The following NWD2 variants were observed in gnomAD, a reference collection of about 807,000 sequenced individuals.
NWD2 encodes the protein NACHT and WD repeat domain-containing protein 2.
NWD2 carries 37 observed loss-of-function variants against 132.7 expected under a neutral mutation model. The observed-to-expected ratio is 0.28, with a 90% CI of 0.21 to 0.37. NWD2 has a LOEUF of 0.37. NWD2 is among the 10% of genes least tolerant of loss of function. The pLI is 1.00. For synonymous variants in NWD2, 705 were observed against 803.0 expected (o/e 0.88, Z 2.06); for missense variants, 1,592 against 2,122.4 (o/e 0.75, Z 4.91).
chr4:37,342,697 T>G (rs1007232772), intron 2 of NWD2, among the ~76,000 whole-genome samples: 8 of 152,200 alleles, frequency 5.3e-5, no homozygotes, highest in Middle Eastern at 3.2e-3. Flanking sequence ...CCTGCCTTGG[T>G]TCATGGTCAA....
chr4:37,245,171 T>C lies in NWD2; in HGVS notation c.104T>C (p.Val35Ala), dbSNP rs1251198914. The C allele has an allele frequency of 1.3e-6, 2 of 1,545,188 alleles. No individual in the cohort carries two copies. The highest frequency in any genetic ancestry group is 1.4e-5 in the African/African-American group (1 of 72,788). ...GNLTALPSHL[V>A]PAGRSVRVFI... Reference sequence around the variant, plus strand: ...CTCACGGCCCTGCCCTCTCACCTCGTGCCCGCCGGCCGCAGCGTCCGGGTC... The same window carrying C: ...CTCACGGCCCTGCCCTCTCACCTCGCGCCCGCCGGCCGCAGCGTCCGGGTC... Residue 35 changes from valine (V) to alanine (A), a missense_variant, in exon 1 of 7, where the codon GTG (valine) becomes GCG (alanine). Physicochemically the swap from Val to Ala is moderately conservative, Grantham distance 64 (BLOSUM62 0). Coordinates refer to ENST00000309447, the MANE Select transcript of NWD2 (RefSeq NM_001144990.2).
chr4:37,299,912 C>A (rs1256607293), intron 1 of NWD2, among the ~76,000 whole-genome samples: 2 of 152,098 alleles, frequency 1.3e-5, no homozygotes, highest in African/African-American at 4.8e-5. Context: ...ACAGAGAAAC[C>A]TCAAAAGACT....
At chr4:37,248,306 C>T (rs1195285536) in intron 1 of NWD2, among the ~76,000 whole-genome samples, 6 of 152,158 alleles carry the variant, frequency 3.9e-5, no homozygotes, top group Non-Finnish European at 4.4e-5. Context: ...TTTGCTCCCA[C>T]CAAGAGGTAG....
intron 3 of NWD2, among the ~76,000 whole-genome samples, chr4:37,372,932 C>A (rs1420423489): frequency 6.6e-6 from 1 of 152,228 alleles, no homozygotes; most frequent in Admixed American, 6.5e-5. Flanking sequence ...TGCAGTATTG[C>A]TTCTCCCAGC....
rs896574028 is a variant in NWD2 at position 37,245,144 on chromosome 4, A to G, written c.77A>G (p.Asn26Ser). ...SALRRAAFSGNLTALPSHLVP... is the reference protein window; with the variant it reads ...SALRRAAFSGSLTALPSHLVP... The stretch of plus-strand genomic sequence containing the variant: ...CTCCGGCGGGCGGCTTTCTCTGGGA[A>G]CCTCACGGCCCTGCCCTCTCACCTC... Residue 26 changes from asparagine to serine, a missense_variant, in exon 1 of 7, where the codon AAC becomes AGC. By Grantham distance (46) the Asn-to-Ser change is conservative. Coordinates refer to ENST00000309447, the MANE Select transcript of NWD2 (RefSeq NM_001144990.2). The G allele has an allele frequency of 6.5e-7, 1 of 1,547,206 alleles. No individual in the cohort carries two copies.
intron 1 of NWD2, among the ~76,000 whole-genome samples, chr4:37,268,730 A>AG (rs1272361901): frequency 2.5e-5 from 1 of 40,116 alleles, no homozygotes; most frequent in East Asian, 3.1e-4. Context: ...TGTTGGCATG[A>AG]GGAATCAGTG....
chr4:37,357,622 C>T (rs1719896988), intron 3 of NWD2, among the ~76,000 whole-genome samples: 2 of 152,128 alleles, frequency 1.3e-5, no homozygotes, highest in African/African-American at 2.4e-5. Context: ...CCTTAGGATT[C>T]AACCTTAGAA....
chr4:37,335,455 T>A (rs1372600887), intron 2 of NWD2, among the ~76,000 whole-genome samples: 3 of 152,112 alleles, frequency 2.0e-5, no homozygotes, highest in African/African-American at 7.2e-5. Context: ...TTTTTAAATG[T>A]CCCTCCCCCA....
intron 1 of NWD2, among the ~76,000 whole-genome samples, chr4:37,316,911 A>G (rs28485449): frequency 0.073 from 11,070 of 152,054 alleles, 1,238 homozygotes; most frequent in African/African-American, 0.24. Context: ...TCTTTGAATT[A>G]TTTTTGTTTA....
At chr4:37,301,301 G>A (rs1251460711) in intron 1 of NWD2, among the ~76,000 whole-genome samples, 1 of 151,932 alleles carries the variant, frequency 6.6e-6, no homozygotes, top group Non-Finnish European at 1.5e-5. Flanking sequence ...TATTTATATG[G>A]AGTGCTTTAT....
intron 3 of NWD2, among the ~76,000 whole-genome samples, chr4:37,379,865 A>G (rs550991249): frequency 2.4e-4 from 36 of 152,326 alleles, no homozygotes; most frequent in African/African-American, 8.2e-4. Flanking sequence ...AAATGGCTCC[A>G]TAGAATACAA....
At chr4:37,352,885 A>G (rs1354042850) in intron 2 of NWD2, among the ~76,000 whole-genome samples, 1 of 152,166 alleles carries the variant, frequency 6.6e-6, no homozygotes, top group African/African-American at 2.4e-5. Context: ...TGTGAATTTC[A>G]TCCTATCATT....
At chr4:37,274,953 A>T (rs1717973910) in intron 1 of NWD2, among the ~76,000 whole-genome samples, 1 of 152,194 alleles carries the variant, frequency 6.6e-6, no homozygotes, top group Non-Finnish European at 1.5e-5. Flanking sequence ...GCTATCTATG[A>T]CAAATGCACA....
intron 1 of NWD2, among the ~76,000 whole-genome samples, chr4:37,316,771 T>C (rs183870625): frequency 3.0e-4 from 46 of 152,310 alleles, no homozygotes; most frequent in African/African-American, 1.0e-3. Flanking sequence ...TCCGTTGACA[T>C]TTTTTCTGTG....
At chr4:37,296,240 C>T (rs1270167621) in intron 1 of NWD2, among the ~76,000 whole-genome samples, 5 of 152,290 alleles carry the variant, frequency 3.3e-5, no homozygotes, top group East Asian at 1.9e-4. Context: ...AGAAAATACA[C>T]GTGCTAGATA....
chr4:37,370,949 G>GTACC (rs1200569153), intron 3 of NWD2, among the ~76,000 whole-genome samples: 1 of 151,666 alleles, frequency 6.6e-6, no homozygotes, highest in Non-Finnish European at 1.5e-5. Context: ...TAGGGACTTG[G>GTACC]TACCCCCACA....
At chr4:37,269,454 C>T (rs1277216131) in intron 1 of NWD2, among the ~76,000 whole-genome samples, 1 of 151,794 alleles carries the variant, frequency 6.6e-6, no homozygotes, top group Non-Finnish European at 1.5e-5. Context: ...ACAATGTATT[C>T]ATTTGTGTAA....
intron 2 of NWD2, among the ~76,000 whole-genome samples, chr4:37,350,023 C>A (rs949222959): frequency 2.6e-5 from 4 of 152,280 alleles, no homozygotes; most frequent in African/African-American, 9.6e-5. Flanking sequence ...TCTGAGGCCT[C>A]TTTCCTGTTC....
chr4:37,362,462 A>C (rs761645665), intron 3 of NWD2, among the ~76,000 whole-genome samples: 2 of 152,228 alleles, frequency 1.3e-5, no homozygotes, highest in Non-Finnish European at 2.9e-5. Flanking sequence ...GTGCTGGTAC[A>C]AAAACGGACA....
Sources: allele counts gnomAD v4.1 joint callset (sites outside exome capture counted in the v4.1 genomes callset), GRCh38; gene constraint gnomAD v4.1.1; transcripts MANE v1.5; gene names NCBI Gene and HGNC (gene_info 2026-07-23, HGNC 2026-07-21).